RHOU: variants seen among roughly 807,000 people sequenced by gnomAD.
The protein encoded by RHOU is rho-related GTP-binding protein RhoU.
In RHOU, 8 loss-of-function variants were observed where a neutral mutation model predicts 12.6. The observed-to-expected ratio is 0.64, with a 90% CI of 0.37 to 1.15. The LOEUF is 1.15. Ranked by LOEUF, RHOU falls within the 50% of genes most tolerant of loss-of-function variation. RHOU has a pLI of 0.01. For synonymous variants in RHOU, 161 were observed against 147.4 expected (o/e 1.09, Z -0.67); for missense variants, 258 against 347.0 (o/e 0.74, Z 2.04).
the RHOU span, among the ~76,000 whole-genome samples, chr1:228,713,481 A>G: frequency 0.51 from 77,237 of 151,708 alleles, 21,630 homozygotes; most frequent in African/African-American, 0.77. Flanking sequence ...GCACCAACAC[A>G]CTCGGCTAAT....
upstream of RHOU, among the ~76,000 whole-genome samples, chr1:228,731,903 T>C (rs1662505973): frequency 6.6e-6 from 1 of 152,184 alleles, no homozygotes; most frequent in African/African-American, 2.4e-5. Flanking sequence ...AATGAAGGCG[T>C]TGTACTGTCT....
At chr1:228,661,461 G>T in the RHOU span, among the ~76,000 whole-genome samples, 2 of 152,142 alleles carry the variant, frequency 1.3e-5, no homozygotes, top group African/African-American at 4.8e-5. Flanking sequence ...AAACAGCATG[G>T]TACTGGTCCC....
the RHOU span, among the ~76,000 whole-genome samples, chr1:228,721,973 C>T: frequency 2.0e-5 from 3 of 152,280 alleles, no homozygotes; most frequent in Admixed American, 2.0e-4. Flanking sequence ...ACCGTAGTTG[C>T]GACTTCTTTC....
chr1:228,683,607 A>G, the RHOU span, among the ~76,000 whole-genome samples: 1 of 152,256 alleles, frequency 6.6e-6, no homozygotes, highest in Non-Finnish European at 1.5e-5. Context: ...CATAAAGGAA[A>G]AAATAGACAA....
chr1:228,707,254 TAGTG>T, the RHOU span, among the ~76,000 whole-genome samples: 2 of 28,648 alleles, frequency 7.0e-5, no homozygotes, highest in African/African-American at 3.6e-4. Flanking sequence ...TATATATATA[TAGTG>T]TGTGTGTGTG....
chr1:228,666,336 C>T, the RHOU span, among the ~76,000 whole-genome samples: 1 of 151,992 alleles, frequency 6.6e-6, no homozygotes, highest in Admixed American at 6.6e-5. Flanking sequence ...TCATGAGGTA[C>T]CTAGTGATGT....
the RHOU span, among the ~76,000 whole-genome samples, chr1:228,671,800 G>A: frequency 6.6e-6 from 1 of 151,790 alleles, no homozygotes; most frequent in South Asian, 2.1e-4. Flanking sequence ...TCTAACCAGT[G>A]GACACTAAGT....
At chr1:228,725,928 A>G in the RHOU span, among the ~76,000 whole-genome samples, 70 of 152,320 alleles carry the variant, frequency 4.6e-4, 2 homozygotes, top group East Asian at 0.013. Context: ...TGATCTTTCA[A>G]TGGAGTATGA....
the RHOU span, among the ~76,000 whole-genome samples, chr1:228,719,144 A>T: frequency 6.6e-6 from 1 of 152,180 alleles, no homozygotes; most frequent in South Asian, 2.1e-4. Context: ...TACAGTTCAG[A>T]TCAAGTGAGA....
the RHOU span, among the ~76,000 whole-genome samples, chr1:228,671,055 A>G: frequency 2.6e-5 from 4 of 152,052 alleles, no homozygotes; most frequent in Non-Finnish European, 5.9e-5. Context: ...TGCAGGCTGG[A>G]GTGCAGTGGC....
chr1:228,647,423 C>G, the RHOU span, among the ~76,000 whole-genome samples: 4 of 152,314 alleles, frequency 2.6e-5, no homozygotes, highest in South Asian at 4.2e-4. Context: ...GGAGTTGACA[C>G]GAAGTGCGGG....
chr1:228,669,195 C>G, the RHOU span, among the ~76,000 whole-genome samples: 1 of 152,228 alleles, frequency 6.6e-6, no homozygotes, highest in Non-Finnish European at 1.5e-5. Flanking sequence ...GAACCCAGTC[C>G]CCCAACCCCT....
the RHOU span, among the ~76,000 whole-genome samples, chr1:228,729,921 A>T: frequency 2.0e-5 from 3 of 152,336 alleles, no homozygotes; most frequent in South Asian, 6.2e-4. Context: ...ACATCCAACC[A>T]ACCATGTGGT....
chr1:228,739,314 C>A (rs1347139634), intron 2 of RHOU, among the ~76,000 whole-genome samples: 1 of 152,080 alleles, frequency 6.6e-6, no homozygotes, highest in Non-Finnish European at 1.5e-5. Flanking sequence ...GCCTGTAATC[C>A]CAGCACTTTG....
the RHOU span, among the ~76,000 whole-genome samples, chr1:228,707,365 C>T: frequency 6.7e-6 from 1 of 148,312 alleles, no homozygotes; most frequent in Non-Finnish European, 1.5e-5. Flanking sequence ...CGGTCTACAG[C>T]TCCCAGCGTG....
the RHOU span, among the ~76,000 whole-genome samples, chr1:228,717,639 G>A: frequency 1.3e-5 from 2 of 152,208 alleles, no homozygotes; most frequent in Non-Finnish European, 2.9e-5. Context: ...GAGTTATGCC[G>A]GAGGCATGCT....
At chr1:228,728,842 T>A in the RHOU span, among the ~76,000 whole-genome samples, 1 of 152,010 alleles carries the variant, frequency 6.6e-6, no homozygotes, top group Admixed American at 6.5e-5. Flanking sequence ...ATGTAACAAT[T>A]GCCCCCAATT....
the RHOU span, among the ~76,000 whole-genome samples, chr1:228,655,380 G>T: frequency 6.6e-6 from 1 of 152,122 alleles, no homozygotes. Flanking sequence ...GGGATTACAG[G>T]CATAAGCCAC....
At chr1:228,661,527 C>T in the RHOU span, among the ~76,000 whole-genome samples, 1 of 152,162 alleles carries the variant, frequency 6.6e-6, no homozygotes, top group Admixed American at 6.5e-5. Flanking sequence ...TAACACCACA[C>T]ACCTACAACC....
Sources: gnomAD v4.1 joint callset for allele counts (sites outside exome capture counted in the v4.1 genomes callset) on GRCh38, gnomAD v4.1.1 for gene constraint, MANE v1.5 for transcripts, NCBI Gene and HGNC (gene_info 2026-07-23, HGNC 2026-07-21) for gene names.